MAP4K5: variants seen among roughly 807,000 people sequenced by gnomAD.
MAP4K5 encodes the protein MAPK/ERK kinase kinase kinase 5.
MAP4K5 carries 82 observed loss-of-function variants against 135.6 expected under a neutral mutation model. That is an observed-to-expected ratio of 0.60 (90% CI 0.51 to 0.73). The LOEUF (loss-of-function observed/expected upper bound fraction) is 0.73, where lower values mean the gene tolerates loss of function less well. Among genes scored for constraint, MAP4K5 ranks in the 30% least tolerant of loss-of-function variants. The pLI, the probability that MAP4K5 is intolerant of heterozygous loss-of-function variation, is 0.00. For synonymous variants in MAP4K5, 347 were observed against 335.0 expected (o/e 1.04, Z -0.39); for missense variants, 907 against 1,010.9 (o/e 0.90, Z 1.39).
intron 11 of MAP4K5, among the ~76,000 whole-genome samples, chr14:50,465,822 A>G (rs1376190249): frequency 1.3e-5 from 2 of 152,186 alleles, no homozygotes; most frequent in African/African-American, 4.8e-5. Context: ...TCATGCCTGT[A>G]ATCTCAGCAC....
At chr14:50,494,199 C>G (rs1024155799) in intron 3 of MAP4K5, among the ~76,000 whole-genome samples, 2 of 151,446 alleles carry the variant, frequency 1.3e-5, no homozygotes, top group Non-Finnish European at 2.9e-5. Flanking sequence ...GACAGAGTCT[C>G]GCCTGTCACC....
intron 11 of MAP4K5, among the ~76,000 whole-genome samples, chr14:50,464,802 T>C (rs2036795123): frequency 6.6e-6 from 1 of 152,234 alleles, no homozygotes; most frequent in Admixed American, 6.5e-5. Context: ...ACAGCAGTTC[T>C]CTGCAGAGAA....
intron 1 of MAP4K5, among the ~76,000 whole-genome samples, chr14:50,557,892 C>G (rs1196554750): frequency 6.6e-6 from 1 of 152,064 alleles, no homozygotes; most frequent in African/African-American, 2.4e-5. Context: ...TACAAAGGAA[C>G]CTGAAACATT....
rs150438808 is a variant in MAP4K5, at chr14:50,502,538, C to A, written c.166+2262G>T. Among the ~76,000 whole-genome samples, 311 of 152,150 alleles carry A rather than the reference C, an allele frequency of 2.0e-3. 8 individuals carry two copies. The highest frequency in any genetic ancestry group is 2.0e-3 in the Non-Finnish European group (138 of 67,946). On this transcript the variant is annotated intron_variant, in intron 3 of 32. Transcript: ENST00000682126. ...CCTAAAGACCTGAATAAGAAAAAAC[C>A]TTTACTATTGTCAAAATGCCAAATA...
At chr14:50,560,497 C>A (rs1475448954) in intron 1 of MAP4K5, 1 of 686,700 alleles carries the variant, frequency 1.5e-6, no homozygotes, top group Non-Finnish European at 2.5e-6. Flanking sequence ...ATCGCGCTGT[C>A]GGGGTGAGGG....
chr14:50,555,257 C>T (rs906737894), intron 1 of MAP4K5, among the ~76,000 whole-genome samples: 1 of 96,834 alleles, frequency 1.0e-5, no homozygotes, highest in Non-Finnish European at 2.3e-5. Flanking sequence ...ACTTTAGTTC[C>T]TTCATTTTTG....
chr14:50,549,897 G>C (rs760229994), intron 1 of MAP4K5, among the ~76,000 whole-genome samples: 1 of 152,198 alleles, frequency 6.6e-6, no homozygotes, highest in Non-Finnish European at 1.5e-5. Flanking sequence ...GCATCATTCC[G>C]TATGAATGGG....
intron 6 of MAP4K5, among the ~76,000 whole-genome samples, chr14:50,477,814 TATG>T (rs1215921222): frequency 6.6e-6 from 1 of 152,202 alleles, no homozygotes; most frequent in African/African-American, 2.4e-5. Flanking sequence ...AAACTCCACT[TATG>T]ATGTATTAAC....
intron 13 of MAP4K5, among the ~76,000 whole-genome samples, chr14:50,458,314 T>C (rs2036634980): frequency 1.3e-5 from 2 of 152,130 alleles, no homozygotes; most frequent in Admixed American, 1.3e-4. Context: ...GACTCTTCTA[T>C]CTATTTTGGA....
intron 11 of MAP4K5, among the ~76,000 whole-genome samples, 199 bp downstream of exon 11, chr14:50,466,381 CAAA>C (rs1194669006): frequency 1.8e-5 from 1 of 54,594 alleles, no homozygotes. Context: ...AATCCTGTCT[CAAA>C]AAAAAAAAAA....
chr14:50,496,402 T>C (rs78530213), intron 3 of MAP4K5, among the ~76,000 whole-genome samples: 9,473 of 152,194 alleles, frequency 0.062, 280 homozygotes, highest in Middle Eastern at 0.075. Flanking sequence ...ACTGAAATTT[T>C]AAAAATATTA....
rs1436014757 is a variant in MAP4K5, at chr14:50,472,910, C to A, written c.542+2167G>T. 8.5e-5 allele frequency among the ~76,000 whole-genome samples: 13 copies of A among 152,222 alleles called. No individual in the cohort carries two copies. The South Asian group carries it at 1.0e-3, about 12-fold the overall frequency. On this transcript the variant is annotated intron_variant, in intron 9 of 32. Coordinates refer to ENST00000682126, the MANE Select transcript of MAP4K5 (RefSeq NM_006575.6). Reference sequence around the variant, plus strand: ...AACATTGACTAATGCTCAAAACATGCACATGAATATTATACAACTTATAAA... The same window carrying A: ...AACATTGACTAATGCTCAAAACATGAACATGAATATTATACAACTTATAAA...
At position 50,440,382 on chromosome 14, in the gene MAP4K5, G is replaced by A. The variant is rs1409725808; in HGVS notation, c.1624C>T (p.His542Tyr). The A allele has an allele frequency of 1.5e-5, 24 of 1,601,710 alleles. No homozygotes were observed. Among genetic ancestry groups the A allele is most frequent in the Non-Finnish European group, 2.0e-5 (24 of 1,171,314 alleles). ...GIYTLNLNEL[H>Y]EATMEQLFPR... The stretch of plus-strand genomic sequence containing the variant: ...ATTACCTGTTCCATCGTTGCCTCAT[G>A]TAGCTCATTGAGATTCAGTGTGTAA... Residue 542 changes from histidine to tyrosine, a missense_variant, in exon 22 of 33, where the codon CAT (histidine) becomes TAT (tyrosine). His to Tyr is a moderately conservative substitution (Grantham distance 83, BLOSUM62 2). This residue lies in a region of MAP4K5 where 690 missense variants were observed against 777.4 expected (regional missense o/e 0.89). Transcript: ENST00000682126.
At chr14:50,514,630 CT>C (rs2037995462) in intron 2 of MAP4K5, among the ~76,000 whole-genome samples, 1 of 152,120 alleles carries the variant, frequency 6.6e-6, no homozygotes, top group Non-Finnish European at 1.5e-5. Flanking sequence ...GAAGAAAAAG[CT>C]TCCAGGAGAA....
chr14:50,514,665 T>C (rs1241846045), intron 2 of MAP4K5, among the ~76,000 whole-genome samples: 3 of 152,126 alleles, frequency 2.0e-5, no homozygotes, highest in Non-Finnish European at 2.9e-5. Context: ...TGAGACCTAA[T>C]AGAAGACTTT....
chr14:50,454,482 A>G (rs1199692610), intron 14 of MAP4K5, among the ~76,000 whole-genome samples: 1 of 152,158 alleles, frequency 6.6e-6, no homozygotes, highest in Admixed American at 6.6e-5. Context: ...AAAACAGAGT[A>G]GAAATAAATA....
At chr14:50,458,701 C>A (rs1204865151) in intron 13 of MAP4K5, among the ~76,000 whole-genome samples, 1 of 152,204 alleles carries the variant, frequency 6.6e-6, no homozygotes, top group African/African-American at 2.4e-5. Flanking sequence ...GCTAGGCTCT[C>A]TTCTCATTCT....
chr14:50,482,870 G>T (rs2139914067), intron 5 of MAP4K5: 1 of 152,848 alleles, frequency 6.5e-6, no homozygotes, highest in Middle Eastern at 3.4e-3. Context: ...TCTTCTGATT[G>T]TGAGCATATA....
At chr14:50,509,513 C>T (rs2037886087) in intron 2 of MAP4K5, among the ~76,000 whole-genome samples, 1 of 151,980 alleles carries the variant, frequency 6.6e-6, no homozygotes, top group South Asian at 2.1e-4. Flanking sequence ...TTCAATGTAA[C>T]AGAAGGTGAA....
Sources: allele counts gnomAD v4.1 joint callset (sites outside exome capture counted in the v4.1 genomes callset), GRCh38; gene constraint gnomAD v4.1.1; regional missense constraint gnomAD v4.1.1; transcripts MANE v1.5; gene names NCBI Gene and HGNC (gene_info 2026-07-23, HGNC 2026-07-21).